The following WDR27 variants were observed in gnomAD, a reference collection of about 807,000 sequenced individuals.
WDR27 encodes WD repeat-containing protein 27.
WDR27 carries 100 observed loss-of-function variants against 114.4 expected under a neutral mutation model. That is an observed-to-expected ratio of 0.87 (90% CI 0.74 to 1.03). WDR27 has a LOEUF of 1.03. Ranked by LOEUF, WDR27 falls within the 50% of genes least tolerant of loss-of-function variation. The pLI is 0.00. For missense variants in WDR27, 1,129 were observed against 1,092.9 expected, an observed-to-expected ratio of 1.03 and a Z score of -0.47; for synonymous variants, 449 against 423.1, an observed-to-expected ratio of 1.06 and a Z score of -0.75.
intron 25 of WDR27, among the ~76,000 whole-genome samples, chr6:169,529,312 C>CG (rs10718481): frequency 0.35 from 39,267 of 113,032 alleles, 11,218 homozygotes; most frequent in Non-Finnish European, 0.53. Flanking sequence ...GTGACCTCTG[C>CG]GGGGGGGGGG....
intron 7 of WDR27, chr6:169,665,221 G>A: frequency 2.5e-6 from 3 of 1,207,530 alleles, no homozygotes; most frequent in Non-Finnish European, 3.1e-6. Context: ...TCACGTGAGT[G>A]GCCCTCACTT....
chr6:169,634,609 G>A, intron 19 of WDR27, 84 bp from the exon 20 acceptor site: 1 of 850,780 alleles, frequency 1.2e-6, no homozygotes, highest in Non-Finnish European at 1.8e-6. Context: ...CATTAAACAT[G>A]AAAAGAAAGT....
intron 15 of WDR27, 75 bp downstream of exon 15, chr6:169,649,123 G>A: frequency 1.6e-6 from 2 of 1,278,694 alleles, no homozygotes; most frequent in Non-Finnish European, 2.2e-6. Context: ...TATCTGTTTG[G>A]AAAAGAACCA....
In WDR27 at chr6:169,662,348, A is replaced by G; in HGVS notation, c.981T>C (p.Leu327=). Reference sequence around the variant, plus strand: ...GGATGAGTGAGAGATCACAGGGTGCAAGTCTCAGTACAGGAAATGTTACTT... The same window carrying G: ...GGATGAGTGAGAGATCACAGGGTGCGAGTCTCAGTACAGGAAATGTTACTT... ...QVEVTFPVLR[L]APCDLSLIPN... is the part of the protein sequence containing the mutation. The change falls in exon 9 of 26, where the codon CTT becomes CTC. Residue 327 remains leucine, a synonymous_variant. Coordinates refer to ENST00000448612, the MANE Select transcript of WDR27 (RefSeq NM_182552.5). 1.2e-6 allele frequency: 2 copies of G among 1,614,056 alleles called. No homozygotes were observed. The highest frequency in any genetic ancestry group is 1.1e-5 in the South Asian group (1 of 91,084).
intron 25 of WDR27, among the ~76,000 whole-genome samples, chr6:169,490,578 C>A (rs568758080): frequency 9.2e-5 from 14 of 152,294 alleles, no homozygotes; most frequent in South Asian, 4.2e-4. Context: ...GGGCTAAATG[C>A]TTTGCCAGTG....
At chr6:169,596,209 T>C (rs921615268) in intron 23 of WDR27, among the ~76,000 whole-genome samples, 3 of 152,118 alleles carry the variant, frequency 2.0e-5, no homozygotes, top group African/African-American at 7.2e-5. Context: ...TTCTGTTTAA[T>C]TGACTTTTTA....
chr6:169,640,672 G>A (rs1182614701), intron 17 of WDR27, among the ~76,000 whole-genome samples: 1 of 152,236 alleles, frequency 6.6e-6, no homozygotes, highest in Non-Finnish European at 1.5e-5. Context: ...CTGCTGCAGG[G>A]CCTGGTCCAG....
chr6:169,524,638 C>T (rs1229230788), intron 25 of WDR27, among the ~76,000 whole-genome samples: 1 of 152,092 alleles, frequency 6.6e-6, no homozygotes, highest in Non-Finnish European at 1.5e-5. Context: ...ACATTCACAG[C>T]CAACTCATTT....
intron 19 of WDR27, among the ~76,000 whole-genome samples, chr6:169,635,473 C>T (rs566795479): frequency 6.6e-6 from 1 of 152,332 alleles, no homozygotes; most frequent in South Asian, 2.1e-4. Flanking sequence ...GGTCCTGGAG[C>T]CCTTCCTCTG....
At chr6:169,610,225 C>T (rs866971026) in intron 22 of WDR27, among the ~76,000 whole-genome samples, 47 of 152,312 alleles carry the variant, frequency 3.1e-4, no homozygotes, top group Non-Finnish European at 3.5e-4. Context: ...AAGTCGCTTC[C>T]ACATTTTTGG....
At chr6:169,585,129 C>G (rs971609953) in intron 23 of WDR27, among the ~76,000 whole-genome samples, 1 of 152,046 alleles carries the variant, frequency 6.6e-6, no homozygotes, top group Non-Finnish European at 1.5e-5. Flanking sequence ...GAAATTGGAC[C>G]TTTATTTTAC....
intron 10 of WDR27, 96 bp downstream of exon 10, chr6:169,660,567 A>T: frequency 1.0e-6 from 1 of 1,000,274 alleles, no homozygotes. Flanking sequence ...CCTCAGATTC[A>T]CACGGCAAGG....
At chr6:169,509,797 AAG>A (rs1486876015) in intron 25 of WDR27, among the ~76,000 whole-genome samples, 1 of 152,202 alleles carries the variant, frequency 6.6e-6, no homozygotes. Context: ...AATTAAACTA[AAG>A]AGCTTCTGCA....
intron 21 of WDR27, among the ~76,000 whole-genome samples, chr6:169,613,886 C>A (rs1232472235): frequency 6.6e-6 from 1 of 152,064 alleles, no homozygotes; most frequent in Non-Finnish European, 1.5e-5. Flanking sequence ...ATGTGTAATG[C>A]CACTGAGAGT....
rs1168565916 is a variant in WDR27, at chr6:169,652,079, CAG to C, written c.1403-73_1403-72del. On this transcript the variant is annotated intron_variant, in intron 13 of 25. Coordinates refer to ENST00000448612, the MANE Select transcript of WDR27 (RefSeq NM_182552.5). ...CATCTCATGATGGACATGAGAAGAACAGAGTCTCTTCAAAACAGAAACATTCA... is the reference window on the plus strand; with the variant it reads ...CATCTCATGATGGACATGAGAAGAACAGTCTCTTCAAAACAGAAACATTCA... The C allele has an allele frequency of 6.6e-6, 9 of 1,369,748 alleles. No homozygotes were observed. The African/African-American group carries it at 1.0e-4, about 15-fold the overall frequency. 84.8% of individuals were successfully genotyped at this position (1,369,748 alleles called of 1,614,324 possible). A position where few individuals can be genotyped will look rare whatever the true frequency, so the allele number is the denominator to read the frequency against.
At chr6:169,536,989 A>G (rs1796269274) in intron 25 of WDR27, among the ~76,000 whole-genome samples, 1 of 152,342 alleles carries the variant, frequency 6.6e-6, no homozygotes, top group African/African-American at 2.4e-5. Flanking sequence ...TTACCATGCA[A>G]TCCTAACCCA....
chr6:169,536,829 C>T (rs1280535105), intron 25 of WDR27, among the ~76,000 whole-genome samples: 3 of 152,054 alleles, frequency 2.0e-5, no homozygotes, highest in Admixed American at 2.0e-4. Context: ...TCCAGGTCTT[C>T]CCTTCCCTCT....
At chr6:169,613,484 C>G in intron 22 of WDR27, 75 bp downstream of exon 22, 5 of 1,219,964 alleles carry the variant, frequency 4.1e-6, no homozygotes, top group Non-Finnish European at 6.0e-6. Context: ...TCATCACATT[C>G]GGAAAAGAGA....
At chr6:169,479,073 A>C (rs1787584246) in intron 25 of WDR27, among the ~76,000 whole-genome samples, 1 of 152,210 alleles carries the variant, frequency 6.6e-6, no homozygotes, top group Non-Finnish European at 1.5e-5. Flanking sequence ...ACCTAATGAA[A>C]TGAAATAGCT....
Sources: gnomAD v4.1 joint callset for allele counts (sites outside exome capture counted in the v4.1 genomes callset) on GRCh38, gnomAD v4.1.1 for gene constraint, MANE v1.5 for transcripts, NCBI Gene and HGNC (gene_info 2026-07-23, HGNC 2026-07-21) for gene names.